The following DNM3 variants were observed in gnomAD, a reference collection of about 807,000 sequenced individuals.
DNM3 encodes dynamin-3.
A neutral mutation model predicts 101.6 loss-of-function variants in DNM3; 47 were observed. That is an observed-to-expected ratio of 0.46 (90% confidence interval 0.37 to 0.59). The LOEUF (loss-of-function observed/expected upper bound fraction) is 0.59. DNM3 is among the 20% of genes least tolerant of loss of function. The pLI, the probability that DNM3 is intolerant of heterozygous loss-of-function variation, is 0.00. For missense variants in DNM3, 849 were observed against 1,085.7 expected (o/e 0.78, Z 3.06); for synonymous variants, 385 against 387.9 (o/e 0.99, Z 0.09).
chr1:172,221,156 A>G (rs954376239), intron 14 of DNM3, among the ~76,000 whole-genome samples: 4 of 152,130 alleles, frequency 2.6e-5, no homozygotes, highest in Non-Finnish European at 4.4e-5. Flanking sequence ...TATTATTAAG[A>G]AACTTGGTCA....
intron 14 of DNM3, among the ~76,000 whole-genome samples, chr1:172,226,230 C>A (rs1272039202): frequency 6.6e-6 from 1 of 152,074 alleles, no homozygotes; most frequent in African/African-American, 2.4e-5. Context: ...CAAAACAAGA[C>A]AGAACACAGA....
Position 172,033,110 on chromosome 1 carries a change from G to A in DNM3, c.694G>A (p.Val232Met), listed in dbSNP as rs779582373. The A allele has an allele frequency of 2.6e-5, 42 of 1,611,728 alleles. No individual in the cohort carries two copies. The highest frequency in any genetic ancestry group is 6.7e-5 in the East Asian group (3 of 44,836). The change falls in exon 6 of 21, where the codon GTG becomes ATG. Residue 232 changes from valine (V) to methionine (M), a missense_variant. Physicochemically the swap from Val to Met is conservative, Grantham distance 21 (BLOSUM62 1). This residue lies in a region of DNM3 where 388 missense variants were observed against 483.0 expected (regional missense o/e 0.80). Coordinates refer to ENST00000627582, the MANE Select transcript of DNM3 (RefSeq NM_015569.5). ...AGATTTGTGTTTTGTTTCAGGTTAC[G>A]TGGGGGTGGTAAACAGAAGCCAGAA... ...NKLLPLRRGY[V>M]GVVNRSQKDI... is the part of the protein sequence containing the mutation.
chr1:171,894,529 T>G (rs2037596848), intron 1 of DNM3, among the ~76,000 whole-genome samples: 1 of 152,200 alleles, frequency 6.6e-6, no homozygotes, highest in South Asian at 2.1e-4. Flanking sequence ...CTCAGCCTCC[T>G]GAGTAGCTGG....
intron 2 of DNM3, among the ~76,000 whole-genome samples, chr1:171,984,346 GC>G (rs1375466335): frequency 2.0e-5 from 3 of 152,000 alleles, no homozygotes; most frequent in Non-Finnish European, 4.4e-5. Context: ...TGGTCCACGG[GC>G]CCTCCACATC....
intron 10 of DNM3, among the ~76,000 whole-genome samples, chr1:172,067,170 T>C (rs1190447453): frequency 1.3e-5 from 2 of 152,324 alleles, no homozygotes; most frequent in East Asian, 3.9e-4. Flanking sequence ...ATTAGATCAC[T>C]TGTACAGTTT....
chr1:171,883,335 A>G (rs1195735251), intron 1 of DNM3, among the ~76,000 whole-genome samples: 1 of 150,104 alleles, frequency 6.7e-6, no homozygotes, highest in Non-Finnish European at 1.5e-5. Flanking sequence ...ACAGAGTGAG[A>G]CTCCATCTCT....
At chr1:171,967,035 G>A (rs1002511858) in intron 2 of DNM3, among the ~76,000 whole-genome samples, 2 of 152,118 alleles carry the variant, frequency 1.3e-5, no homozygotes, top group African/African-American at 4.8e-5. Flanking sequence ...AATTTAGGAA[G>A]TTGTCATGCC....
chr1:172,122,660 C>T (rs1009824832), intron 13 of DNM3, among the ~76,000 whole-genome samples: 12 of 152,096 alleles, frequency 7.9e-5, no homozygotes, highest in African/African-American at 2.7e-4. Flanking sequence ...AATTGCTTGC[C>T]ATTAGATGCC....
At chr1:171,900,351 C>T (rs943452398) in intron 1 of DNM3, among the ~76,000 whole-genome samples, 10 of 151,722 alleles carry the variant, frequency 6.6e-5, no homozygotes, top group Admixed American at 5.9e-4. Context: ...GTGGATGAAA[C>T]CACCGAGGGG....
chr1:172,396,423 G>C (rs2070005628), intron 20 of DNM3, among the ~76,000 whole-genome samples: 1 of 152,178 alleles, frequency 6.6e-6, no homozygotes, highest in African/African-American at 2.4e-5. Context: ...AAAGGTATAA[G>C]CACTCTTCTT....
chr1:172,347,921 T>C (rs1212495801), intron 17 of DNM3, among the ~76,000 whole-genome samples: 1 of 152,150 alleles, frequency 6.6e-6, no homozygotes, highest in African/African-American at 2.4e-5. Flanking sequence ...CATTCAATGG[T>C]ATGCATGAAT....
intron 13 of DNM3, among the ~76,000 whole-genome samples, chr1:172,113,110 A>G (rs1217436371): frequency 6.6e-6 from 1 of 152,200 alleles, no homozygotes; most frequent in African/African-American, 2.4e-5. Flanking sequence ...GATTAAAGGT[A>G]AATAGGGTTT....
chr1:172,335,402 G>T (rs1181788316), intron 17 of DNM3, among the ~76,000 whole-genome samples: 1 of 152,124 alleles, frequency 6.6e-6, no homozygotes, highest in Non-Finnish European at 1.5e-5. Context: ...CATGTGAAGT[G>T]CTGAGAGGGT....
chr1:172,400,388 G>T (rs1449716548), intron 20 of DNM3, among the ~76,000 whole-genome samples: 1 of 151,974 alleles, frequency 6.6e-6, no homozygotes. Flanking sequence ...AGAGAAAGGA[G>T]GGGGGATAGA....
At chr1:171,860,474 A>G (rs1289488997) in intron 1 of DNM3, among the ~76,000 whole-genome samples, 2 of 152,178 alleles carry the variant, frequency 1.3e-5, no homozygotes, top group African/African-American at 4.8e-5. Flanking sequence ...AAAGGATTAT[A>G]AGTTGGAGAA....
At chr1:172,161,603 A>T (rs2058547369) in intron 14 of DNM3, among the ~76,000 whole-genome samples, 1 of 152,044 alleles carries the variant, frequency 6.6e-6, no homozygotes, top group Non-Finnish European at 1.5e-5. Flanking sequence ...ACCACAAATG[A>T]GCAACTAAAT....
chr1:172,329,375 T>C (rs1297803840), intron 17 of DNM3, among the ~76,000 whole-genome samples: 1 of 152,056 alleles, frequency 6.6e-6, no homozygotes, highest in Admixed American at 6.6e-5. Flanking sequence ...ATAGATCCAA[T>C]GGAAATTAGT....
chr1:172,397,857 G>A (rs529016480), intron 20 of DNM3, among the ~76,000 whole-genome samples: 108 of 152,096 alleles, frequency 7.1e-4, no homozygotes, highest in Non-Finnish European at 1.1e-3. Flanking sequence ...ACTGAAAAAC[G>A]CATGGAGTTA....
intron 2 of DNM3, among the ~76,000 whole-genome samples, chr1:171,964,330 C>T (rs534129161): frequency 7.9e-5 from 12 of 152,220 alleles, no homozygotes; most frequent in East Asian, 1.9e-4. Flanking sequence ...ATAAGAACCT[C>T]GGCCTCTACA....
Sources: gnomAD v4.1 joint callset for allele counts (sites outside exome capture counted in the v4.1 genomes callset) on GRCh38, gnomAD v4.1.1 for gene constraint, gnomAD v4.1.1 regional missense constraint, MANE v1.5 for transcripts, NCBI Gene and HGNC (gene_info 2026-07-23, HGNC 2026-07-21) for gene names.